MECOM: variants seen among roughly 807,000 people sequenced by gnomAD.
MECOM encodes the protein MDS1 and EVI1 complex locus, also known as histone-lysine N-methyltransferase MECOM.
In MECOM, 13 loss-of-function variants were observed where a neutral mutation model predicts 116.3. The observed-to-expected ratio is 0.11, with a 90% CI of 0.07 to 0.18. The LOEUF is 0.18. MECOM is among the 10% of genes least tolerant of loss of function. MECOM has a pLI of 1.00. For synonymous variants in MECOM, 528 were observed against 535.2 expected (o/e 0.99, Z 0.19); for missense variants, 1,299 against 1,509.0 (o/e 0.86, Z 2.31).
chr3:169,246,333 C>T (rs986483187), intron 2 of MECOM, among the ~76,000 whole-genome samples: 2 of 152,146 alleles, frequency 1.3e-5, no homozygotes, highest in Non-Finnish European at 2.9e-5. Context: ...GCACATCCTT[C>T]CCAAGCCCTT....
chr3:169,095,006 C>T, intron 13 of MECOM, 70 bp downstream of exon 13: 1 of 1,284,702 alleles, frequency 7.8e-7, no homozygotes, highest in Non-Finnish European at 1.0e-6. Flanking sequence ...AGAAAGATCA[C>T]ATTATCTTAT....
At chr3:169,655,138 ATGGTAACAG>A (rs1342764407) in intron 1 of MECOM, among the ~76,000 whole-genome samples, 2 of 152,144 alleles carry the variant, frequency 1.3e-5, no homozygotes, top group African/African-American at 4.8e-5. Context: ...CCTTGCCCAA[ATGGTAACAG>A]TGAGCAGGAG....
chr3:169,123,555 G>A (rs982270256), intron 5 of MECOM, among the ~76,000 whole-genome samples: 4 of 151,888 alleles, frequency 2.6e-5, no homozygotes, highest in African/African-American at 9.7e-5. Flanking sequence ...ATAATGAAAA[G>A]CAAATATTAT....
At chr3:169,513,598 G>A (rs938746631) in intron 1 of MECOM, among the ~76,000 whole-genome samples, 1 of 152,124 alleles carries the variant, frequency 6.6e-6, no homozygotes, top group Non-Finnish European at 1.5e-5. Context: ...TAAATGCAGC[G>A]GGTAGAGGTA....
At chr3:169,109,378 A>G (rs945154630) in intron 9 of MECOM, among the ~76,000 whole-genome samples, 1 of 152,016 alleles carries the variant, frequency 6.6e-6, no homozygotes, top group African/African-American at 2.4e-5. Context: ...TTAGACCCTC[A>G]GCATTCATCT....
rs74600087 is a variant in MECOM, at chr3:169,221,626, T to A, written c.376-77794A>T. 6.7e-3 allele frequency among the ~76,000 whole-genome samples: 1,004 copies of A among 150,910 alleles called. 17 individuals carry two copies. The highest frequency in any genetic ancestry group is 0.023 in the African/African-American group (963 of 41,022). On this transcript the variant is annotated intron_variant, in intron 2 of 16. Coordinates refer to ENST00000651503, the MANE Select transcript of MECOM (RefSeq NM_004991.4). ...GAAGTCACTCTGGTCTGGTTTTGAA[T>A]GGGTTGGGCTAAGTGATCACTAAGA...
chr3:169,427,830 T>C (rs1445183098), intron 1 of MECOM, among the ~76,000 whole-genome samples: 2 of 152,194 alleles, frequency 1.3e-5, no homozygotes, highest in African/African-American at 4.8e-5. Flanking sequence ...ATTAATGAAG[T>C]GGTGAGTTCA....
chr3:169,549,544 T>C (rs952983540), intron 1 of MECOM, among the ~76,000 whole-genome samples: 2 of 152,144 alleles, frequency 1.3e-5, no homozygotes, highest in Non-Finnish European at 2.9e-5. Flanking sequence ...AAGCAGCAGG[T>C]GTGGACTGCC....
chr3:169,638,438 T>C (rs1050776847), intron 1 of MECOM, among the ~76,000 whole-genome samples: 3 of 152,148 alleles, frequency 2.0e-5, no homozygotes, highest in Non-Finnish European at 4.4e-5. Flanking sequence ...CCATGCACCA[T>C]GACCCTGAGA....
chr3:169,630,809 G>A (rs1771993490), intron 1 of MECOM, among the ~76,000 whole-genome samples: 1 of 152,140 alleles, frequency 6.6e-6, no homozygotes, highest in Non-Finnish European at 1.5e-5. Context: ...CATGTACTCA[G>A]CACCAATTCC....
At chr3:169,476,859 T>C (rs932621445) in intron 1 of MECOM, 3 of 151,006 alleles carry the variant, frequency 2.0e-5, no homozygotes, top group African/African-American at 7.3e-5. Flanking sequence ...TTCTTTTTTT[T>C]TTTCTTTTTC....
At chr3:169,613,912 C>A (rs1432276767) in intron 1 of MECOM, 1 of 152,090 alleles carries the variant, frequency 6.6e-6, no homozygotes, top group East Asian at 1.9e-4. Context: ...TGTTAAAATA[C>A]CCTTTAAAGT....
intron 2 of MECOM, among the ~76,000 whole-genome samples, chr3:169,214,920 A>G (rs183628935): frequency 2.7e-5 from 4 of 148,202 alleles, no homozygotes; most frequent in Non-Finnish European, 6.0e-5. Context: ...ATATATATAC[A>G]TATATATACA....
At chr3:169,446,507 A>G (rs559753374) in intron 1 of MECOM, among the ~76,000 whole-genome samples, 1 of 152,182 alleles carries the variant, frequency 6.6e-6, no homozygotes, top group South Asian at 2.1e-4. Flanking sequence ...GCAGCATAAA[A>G]CCGAACTAAT....
chr3:169,240,741 G>C (rs1754689252), intron 2 of MECOM, among the ~76,000 whole-genome samples: 2 of 152,282 alleles, frequency 1.3e-5, no homozygotes, highest in Admixed American at 6.5e-5. Flanking sequence ...GCCTCTACCT[G>C]CCTCTAGATG....
chr3:169,344,076 C>T (rs1724978222), intron 2 of MECOM, among the ~76,000 whole-genome samples: 1 of 151,716 alleles, frequency 6.6e-6, no homozygotes, highest in Admixed American at 6.6e-5. Context: ...TAGTATTTTC[C>T]TTTGGGATAA....
At chr3:169,245,718 C>T (rs1263684084) in intron 2 of MECOM, among the ~76,000 whole-genome samples, 1 of 152,188 alleles carries the variant, frequency 6.6e-6, no homozygotes, top group Non-Finnish European at 1.5e-5. Context: ...TTCCACACTT[C>T]CCTACATAAT....
chr3:169,094,902 A>G (rs1237550343), intron 13 of MECOM, among the ~76,000 whole-genome samples, 174 bp downstream of exon 13: 2 of 152,276 alleles, frequency 1.3e-5, no homozygotes, highest in African/African-American at 2.4e-5. Flanking sequence ...TAAATTAATG[A>G]TCACATTGCT....
intron 2 of MECOM, among the ~76,000 whole-genome samples, chr3:169,218,071 TA>T (rs1751644034): frequency 6.6e-6 from 1 of 151,940 alleles, no homozygotes; most frequent in African/African-American, 2.4e-5. Context: ...CATGTAAAGC[TA>T]AAAGTTTAGC....
Sources: gnomAD v4.1 joint callset for allele counts (sites outside exome capture counted in the v4.1 genomes callset) on GRCh38, gnomAD v4.1.1 for gene constraint, MANE v1.5 for transcripts, NCBI Gene and HGNC (gene_info 2026-07-23, HGNC 2026-07-21) for gene names.